Variants in CSMD2 observed in about 807,000 individuals in gnomAD.
CSMD2 encodes CUB and sushi domain-containing protein 2.
Under a neutral mutation model 398.5 loss-of-function variants are expected in CSMD2, and 130 were observed. The ratio of observed to expected loss-of-function variants is 0.33; its 90% CI spans 0.28 to 0.38. CSMD2 has a LOEUF of 0.38. Among genes scored for constraint, CSMD2 ranks in the 10% least tolerant of loss-of-function variants. The pLI, the probability that CSMD2 is intolerant of heterozygous loss-of-function variation, is 1.00. For missense variants in CSMD2, 3,829 were observed against 4,764.9 expected, an observed-to-expected ratio of 0.80 and a Z score of 5.78; for synonymous variants, 1,828 against 1,908.5, an observed-to-expected ratio of 0.96 and a Z score of 1.10.
At chr1:33,590,979 A>ATT (rs1639401755) in intron 44 of CSMD2, among the ~76,000 whole-genome samples, 1 of 88,256 alleles carries the variant, frequency 1.1e-5, no homozygotes. Flanking sequence ...GCTTTTATTT[A>ATT]TCTTTTTTTT....
At position 33,633,937 on chromosome 1, in the gene CSMD2, C is replaced by T. The variant is rs1345992492; in HGVS notation, c.5087-402G>A. On this transcript the variant is annotated intron_variant, in intron 31 of 70. Coordinates refer to ENST00000373381, the MANE Select transcript of CSMD2 (RefSeq NM_001281956.2). This position sits in a 1 kb window ranked among gnomAD's most constrained non-coding sequence, Gnocchi z 5.0. ...AGGACCCCACATTCATGCGTCCCAA[C>T]GTCAGTTAGTCAGTGTCATTGAGTT... Among the ~76,000 whole-genome samples the T allele has an allele frequency of 1.3e-5, 2 of 152,206 alleles. No homozygotes were observed. Among genetic ancestry groups the T allele is most frequent in the Admixed American group, 6.5e-5 (1 of 15,288 alleles).
chr1:33,907,264 G>A (rs1050729089), intron 5 of CSMD2, among the ~76,000 whole-genome samples: 8 of 151,502 alleles, frequency 5.3e-5, no homozygotes, highest in Non-Finnish European at 7.4e-5. Context: ...GACCACAGGC[G>A]TCTGCCACCA....
chr1:33,666,407 T>C (rs1247677159), intron 25 of CSMD2, among the ~76,000 whole-genome samples: 6 of 152,330 alleles, frequency 3.9e-5, no homozygotes, highest in Non-Finnish European at 8.8e-5. Context: ...TTCATCTTTG[T>C]TATGGTTTTC....
In CSMD2 at chr1:33,767,453, G is replaced by A. The variant is rs578223115; in HGVS notation, c.1846+5116C>T. Among the ~76,000 whole-genome samples the A allele has an allele frequency of 1.4e-3, 217 of 152,290 alleles. 1 individual carries two copies. Among genetic ancestry groups the A allele is most frequent in the Middle Eastern group, 3.4e-3 (1 of 294 alleles). ...CCCTTGAGCTCCAGATACGTCTAGA[G>A]ATAGAGTTACAGCACATTATATAGG... On this transcript the variant is annotated intron_variant, in intron 13 of 70. Transcript: ENST00000373381.
At chr1:34,081,843 G>A (rs539493811) in intron 2 of CSMD2, among the ~76,000 whole-genome samples, 80 of 152,040 alleles carry the variant, frequency 5.3e-4, no homozygotes, top group Non-Finnish European at 7.1e-4. Flanking sequence ...AGTGAGGAGC[G>A]TCTCTAACTG....
chr1:33,673,768 A>G (rs1433804609), intron 25 of CSMD2, among the ~76,000 whole-genome samples: 3 of 152,248 alleles, frequency 2.0e-5, no homozygotes, highest in Admixed American at 2.0e-4. Context: ...ACCTCTCGGC[A>G]GAAACTCTGC....
intron 2 of CSMD2, among the ~76,000 whole-genome samples, chr1:34,082,931 C>A (rs367875219): frequency 6.6e-6 from 1 of 152,084 alleles, no homozygotes; most frequent in Non-Finnish European, 1.5e-5. Flanking sequence ...ACAAACACTG[C>A]GGAAGGCCGC....
At chr1:34,063,953 G>C (rs1654826448) in intron 2 of CSMD2, among the ~76,000 whole-genome samples, 1 of 152,204 alleles carries the variant, frequency 6.6e-6, no homozygotes, top group Non-Finnish European at 1.5e-5. Context: ...AGCTGCCAAG[G>C]CTTGGGGCTT....
chr1:33,606,417 G>T (rs539727348), intron 41 of CSMD2, among the ~76,000 whole-genome samples: 1 of 152,338 alleles, frequency 6.6e-6, no homozygotes, highest in Admixed American at 6.5e-5. Context: ...CACTCACGTG[G>T]CTGTGTTATG....
At chr1:33,654,510 G>A (rs1212978070) in intron 27 of CSMD2, among the ~76,000 whole-genome samples, 2 of 152,210 alleles carry the variant, frequency 1.3e-5, no homozygotes, top group Non-Finnish European at 2.9e-5. Flanking sequence ...GCGAGGTGGT[G>A]CCTTAAGTTG....
chr1:33,904,420 C>A (rs1642951657), intron 5 of CSMD2, among the ~76,000 whole-genome samples: 1 of 152,202 alleles, frequency 6.6e-6, no homozygotes, highest in Non-Finnish European at 1.5e-5. Flanking sequence ...TTTAGACATA[C>A]AAGGGAATAT....
intron 3 of CSMD2, among the ~76,000 whole-genome samples, chr1:33,961,573 C>A (rs1186141055): frequency 1.3e-5 from 2 of 152,200 alleles, no homozygotes; most frequent in African/African-American, 4.8e-5. Flanking sequence ...TCAGGGGCCT[C>A]ATCAGTGAGA....
chr1:33,996,155 G>A lies in CSMD2; in HGVS notation c.517+36439C>T, dbSNP rs1298208965. Among the ~76,000 whole-genome samples, 4 of 152,196 alleles carry A rather than the reference G, an allele frequency of 2.6e-5. 1 individual carries two copies. The highest frequency in any genetic ancestry group is 2.0e-4 in the Admixed American group (3 of 15,268). The stretch of plus-strand genomic sequence containing the variant: ...AATTCACAGCAAAGGAAATATAAAT[G>A]GCCAATAAACATGAAAAGATGCGCA... On this transcript the variant is annotated intron_variant, in intron 3 of 70. Coordinates refer to ENST00000373381, the MANE Select transcript of CSMD2 (RefSeq NM_001281956.2).
chr1:33,736,379 G>A (rs1243931036), intron 15 of CSMD2, among the ~76,000 whole-genome samples: 1 of 152,016 alleles, frequency 6.6e-6, no homozygotes, highest in Non-Finnish European at 1.5e-5. Flanking sequence ...TACTTGGGAG[G>A]CTGAGGCAGG....
intron 5 of CSMD2, among the ~76,000 whole-genome samples, chr1:33,917,566 C>CT (rs1237642403): frequency 1.3e-5 from 2 of 152,156 alleles, no homozygotes; most frequent in African/African-American, 4.8e-5. Flanking sequence ...AGAGCCTGCA[C>CT]TTTTTTAGCA....
At chr1:33,701,175 T>C (rs1461659640) in intron 22 of CSMD2, among the ~76,000 whole-genome samples, 1 of 152,178 alleles carries the variant, frequency 6.6e-6, no homozygotes, top group East Asian at 1.9e-4. Context: ...TCTTGAGCAC[T>C]CTGCTGGACA....
chr1:33,932,393 G>A (rs762761938), intron 4 of CSMD2, among the ~76,000 whole-genome samples: 10 of 152,128 alleles, frequency 6.6e-5, no homozygotes, highest in Non-Finnish European at 1.5e-4. Flanking sequence ...AGGGGAATGA[G>A]GGTGGAAAGT....
At chr1:33,980,124 G>A (rs1009714095) in intron 3 of CSMD2, among the ~76,000 whole-genome samples, 21 of 152,102 alleles carry the variant, frequency 1.4e-4, no homozygotes, top group African/African-American at 5.1e-4. Context: ...ACTCTTATCT[G>A]GGGCTGGGAC....
chr1:33,567,499 A>ATATATATATATATATATATATATATATAG (rs1284357279), intron 53 of CSMD2, 94 bp downstream of exon 53: 1 of 1,013,754 alleles, frequency 9.9e-7, no homozygotes, highest in Non-Finnish European at 1.4e-6. Context: ...ATATATATTT[A>ATATATATATATATATATATATATATATAG]AAACAAACCT....
Sources: gnomAD v4.1 joint callset for allele counts (sites outside exome capture counted in the v4.1 genomes callset) on GRCh38, gnomAD v4.1.1 for gene constraint, Gnocchi (gnomAD v3.1) non-coding constraint, MANE v1.5 for transcripts, NCBI Gene and HGNC (gene_info 2026-07-23, HGNC 2026-07-21) for gene names.